PRDX4: variants seen among roughly 807,000 people sequenced by gnomAD.
PRDX4 encodes the protein peroxiredoxin 4.
Under a neutral mutation model 20.5 loss-of-function variants are expected in PRDX4, and 12 were observed. The observed-to-expected ratio is 0.58, with a 90% CI of 0.37 to 0.95. PRDX4 has a LOEUF of 0.95. Ranked by LOEUF, PRDX4 falls within the 40% of genes least tolerant of loss-of-function variation. PRDX4 has a pLI of 0.01. For missense variants in PRDX4, 180 were observed against 207.3 expected (o/e 0.87, Z 0.81); for synonymous variants, 99 against 87.5 (o/e 1.13, Z -0.73).
At position 23,667,642 on chromosome X, in the gene PRDX4, G is replaced by T. The variant is rs1306506449; in HGVS notation, c.72G>T (p.Pro24=). ...HGRHRRLLLL[P]LLLFLLPAGA... is the part of the protein sequence containing the mutation. ...GCCACCGAAGGCTGCTTCTGCTGCC[G>T]CTACTGCTGTTCCTGCTGCCGGCTG... Residue 24 remains proline (P), a synonymous_variant, in exon 1 of 7, where the codon CCG becomes CCT. Transcript: ENST00000379341. 1.7e-6 allele frequency: 2 copies of T among 1,205,299 alleles called. No homozygotes were observed. Among genetic ancestry groups the T allele is most frequent in the Middle Eastern group, 2.3e-4 (1 of 4,338 alleles).
At chrX:23,682,853 A>AAATATATATATATATAT (rs1555933130) in intron 5 of PRDX4, among the ~76,000 whole-genome samples, 1 of 14,874 alleles carries the variant, frequency 6.7e-5, no homozygotes, top group Non-Finnish European at 1.3e-4. Flanking sequence ...AAAAAAAAAA[A>AAATATATATATATATAT]ATATATATAT....
chrX:23,667,839 A>G, intron 1 of PRDX4, 28 bp downstream of exon 1: 6 of 1,205,092 alleles, frequency 5.0e-6, no homozygotes, highest in Non-Finnish European at 6.7e-6. Flanking sequence ...AAAGGGTGGG[A>G]GGGGAGATTC....
chrX:23,683,251 CTT>C (rs1425360793), intron 5 of PRDX4, among the ~76,000 whole-genome samples: 1 of 111,037 alleles, frequency 9.0e-6, no homozygotes, highest in Admixed American at 9.7e-5. Context: ...TCTAATGTCT[CTT>C]TTGACAAACA....
In PRDX4 at chrX:23,667,566, T is replaced by G; in HGVS notation, c.-5T>G. On this transcript the variant is annotated 5_prime_UTR_variant, in exon 1 of 7. Coordinates refer to ENST00000379341, the MANE Select transcript of PRDX4 (RefSeq NM_006406.2). ...CAAGGGACGTGTTTCTGCGCTCGCG[T>G]GGTCATGGAGGCGCTGCCGCTGCTA... is the stretch of plus-strand genomic sequence containing the variant. 8.5e-7 allele frequency: 1 copy of G among 1,180,051 alleles called. No homozygotes were observed.
At chrX:23,681,212 G>A (rs753768713) in intron 4 of PRDX4, among the ~76,000 whole-genome samples, 5 of 95,733 alleles carry the variant, frequency 5.2e-5, no homozygotes, top group Admixed American at 1.2e-4. Context: ...CAGCCTGGGC[G>A]ACAGCGAGAC....
At chrX:23,672,265 A>G (rs1475960014) in intron 2 of PRDX4, among the ~76,000 whole-genome samples, 1 of 112,253 alleles carries the variant, frequency 8.9e-6, no homozygotes, top group Non-Finnish European at 1.9e-5. Context: ...CTCAAAAAGA[A>G]AAGAAAAAGA....
chrX:23,669,479 G>T (rs1411270773), intron 1 of PRDX4, among the ~76,000 whole-genome samples: 7 of 111,290 alleles, frequency 6.3e-5, no homozygotes, highest in Non-Finnish European at 9.4e-5. Context: ...AAAGACTTTT[G>T]TTAGTAAAGA....
At position 23,667,685 on chromosome X, in the gene PRDX4, G is replaced by A. The variant is rs1355172930; in HGVS notation, c.115G>A (p.Glu39Lys). Residue 39 changes from glutamate (E) to lysine (K), a missense_variant, in exon 1 of 7, where the codon GAG becomes AAG. Physicochemically the swap from Glu to Lys is moderately conservative, Grantham distance 56 (BLOSUM62 1). Transcript: ENST00000379341. ...GCCGGCTGGAGCTGTGCAGGGCTGG[G>A]AGACAGAGGAGAGGCCCCGGACTCG... Reference protein sequence around the residue: ...LLPAGAVQGWETEERPRTREE... With the variant: ...LLPAGAVQGWKTEERPRTREE... 1 of 1,211,076 alleles carries A rather than the reference G, an allele frequency of 8.3e-7. No homozygotes were observed. The highest frequency in any genetic ancestry group is 1.8e-5 in the South Asian group (1 of 56,889).
In PRDX4 at chrX:23,675,097, AT is replaced by A. The variant is rs758930416; in HGVS notation, c.470del (p.Leu157TrpfsTer16). The A allele has an allele frequency of 3.3e-6, 4 of 1,211,599 alleles. No individual in the cohort carries two copies. Among genetic ancestry groups the A allele is most frequent in the Non-Finnish European group, 4.5e-6 (4 of 895,456 alleles). ...VACSVDSQFTHLAWINTPRRQ... is the reference protein window; with the variant it reads ...VACSVDSQFTXLAWINTPRRQ... Reference sequence around the variant, plus strand: ...TGCTCTGTTGATTCACAGTTTACCCATTTGGCCTGGTCAGTATCTTACACTT... The same window carrying A: ...TGCTCTGTTGATTCACAGTTTACCCATTGGCCTGGTCAGTATCTTACACTT... On this transcript the variant is annotated frameshift_variant, in exon 3 of 7. Coordinates refer to ENST00000379341, the MANE Select transcript of PRDX4 (RefSeq NM_006406.2). LOFTEE classifies it high-confidence loss of function.
chrX:23,680,641 A>C (rs745437043), intron 4 of PRDX4, among the ~76,000 whole-genome samples: 1 of 111,293 alleles, frequency 9.0e-6, no homozygotes, highest in Non-Finnish European at 1.9e-5. Flanking sequence ...CTGTAATCCC[A>C]GCTCTTTGGG....
At chrX:23,682,837 A>T (rs1333926947) in intron 5 of PRDX4, among the ~76,000 whole-genome samples, 1 of 47,102 alleles carries the variant, frequency 2.1e-5, no homozygotes, top group Non-Finnish European at 4.2e-5. Context: ...AAAAAAAAAA[A>T]AAAAAAAAAA....
At chrX:23,683,537 A>T (rs1034954656) in intron 5 of PRDX4, 134 bp from the exon 6 acceptor site, 2 of 525,553 alleles carry the variant, frequency 3.8e-6, no homozygotes, top group Non-Finnish European at 6.1e-6. Context: ...AATAGAAGTC[A>T]TGTGCTCGGT....
intron 4 of PRDX4, among the ~76,000 whole-genome samples, chrX:23,681,195 T>C (rs1928061016): frequency 9.1e-6 from 1 of 109,475 alleles, no homozygotes; most frequent in African/African-American, 3.3e-5. Flanking sequence ...ATCGCGCCAC[T>C]GCACTTCAGC....
At position 23,684,343 on chromosome X, in the gene PRDX4, T is replaced by C. The variant is rs137970862; in HGVS notation, c.765+638T>C. Among the ~76,000 whole-genome samples the C allele has an allele frequency of 6.2e-3, 686 of 111,055 alleles. 5 individuals are homozygous for C. Among genetic ancestry groups the C allele is most frequent in the African/African-American group, 0.02 (620 of 30,566 alleles). Reference sequence around the variant, plus strand: ...GTCATGTATCGAATTTCTTCCTGTATTGGGACAAAGAAAACAGTCACAAGC... The same window carrying C: ...GTCATGTATCGAATTTCTTCCTGTACTGGGACAAAGAAAACAGTCACAAGC... On this transcript the variant is annotated intron_variant, in intron 6 of 6. Transcript: ENST00000379341.
At chrX:23,682,877 T>TATATATATATATATATATATATATAA (rs1431021204) in intron 5 of PRDX4, among the ~76,000 whole-genome samples, 1 of 65,543 alleles carries the variant, frequency 1.5e-5, no homozygotes, top group Non-Finnish European at 2.7e-5. Flanking sequence ...TATATATATA[T>TATATATATATATATATATATATATAA]AAACTAATAT....
intron 1 of PRDX4, among the ~76,000 whole-genome samples, chrX:23,669,082 C>T (rs1927791540): frequency 1.8e-5 from 2 of 110,760 alleles, no homozygotes; most frequent in Admixed American, 1.9e-4. Flanking sequence ...CGCACCACCA[C>T]ACCCGGCTAT....
rs1927749397 is a variant in PRDX4 at position 23,667,505 on chromosome X, G to A, written c.-66G>A. The stretch of plus-strand genomic sequence containing the variant: ...TCGCGCGGGCGTCGTGCACGCGGTT[G>A]TAGCTGCCCGGCGGCGGCAGAAGCG... On this transcript the variant is annotated 5_prime_UTR_variant, in exon 1 of 7. Transcript: ENST00000379341. 2.7e-6 allele frequency: 3 copies of A among 1,120,318 alleles called. No homozygotes were observed. The highest frequency in any genetic ancestry group is 3.5e-6 in the Non-Finnish European group (3 of 853,828). 92.3% of individuals were successfully genotyped at this position (1,120,318 alleles called of 1,213,427 possible). A position where few individuals can be genotyped will look rare whatever the true frequency, so the allele number is the denominator to read the frequency against.
At chrX:23,675,238 G>A (rs1314750219) in intron 3 of PRDX4, 132 bp downstream of exon 3, 3 of 1,088,841 alleles carry the variant, frequency 2.8e-6, no homozygotes, top group South Asian at 4.8e-5. Context: ...TTATCTAAGA[G>A]TAATACATGT....
At chrX:23,669,602 C>T (rs991350436) in intron 1 of PRDX4, among the ~76,000 whole-genome samples, 5 of 111,404 alleles carry the variant, frequency 4.5e-5, no homozygotes, top group Non-Finnish European at 7.5e-5. Flanking sequence ...GGATGCAACA[C>T]GTGGCAAATT....
Sources: allele counts gnomAD v4.1 joint callset (sites outside exome capture counted in the v4.1 genomes callset), GRCh38; gene constraint gnomAD v4.1.1; transcripts MANE v1.5; gene names NCBI Gene and HGNC (gene_info 2026-07-23, HGNC 2026-07-21).